SCFD1: variants seen among roughly 807,000 people sequenced by gnomAD.
SCFD1 encodes the protein sec1 family domain-containing protein 1.
A neutral mutation model predicts 103.2 loss-of-function variants in SCFD1; 37 were observed. The ratio of observed to expected loss-of-function variants is 0.36; its 90% CI spans 0.28 to 0.47. The LOEUF is 0.47. Among genes scored for constraint, SCFD1 ranks in the 20% least tolerant of loss-of-function variants. The pLI, the probability that SCFD1 is intolerant of heterozygous loss-of-function variation, is 1.00. For missense variants in SCFD1, 639 were observed against 761.2 expected (o/e 0.84, Z 1.89); for synonymous variants, 264 against 245.0 (o/e 1.08, Z -0.73).
intron 23 of SCFD1, among the ~76,000 whole-genome samples, chr14:30,727,614 AC>A (rs1221539250): frequency 6.6e-6 from 1 of 152,220 alleles, no homozygotes; most frequent in Admixed American, 6.5e-5. Context: ...CCAGGCTCTT[AC>A]GAGATACCAA....
At chr14:30,721,516 T>C (rs1470794593) in intron 21 of SCFD1, among the ~76,000 whole-genome samples, 1 of 149,516 alleles carries the variant, frequency 6.7e-6, no homozygotes. Flanking sequence ...CCACAAACTA[T>C]ATATAATATT....
intron 24 of SCFD1, 45 bp downstream of exon 24, chr14:30,734,903 T>C: frequency 1.4e-6 from 2 of 1,423,620 alleles, no homozygotes; most frequent in Non-Finnish European, 2.0e-6. Flanking sequence ...ATACCCCTAG[T>C]TGCTATTGGT....
chr14:30,715,913 C>CT lies in SCFD1; in HGVS notation c.1630-7dup. On this transcript the variant is annotated splice_polypyrimidine_tract_variant and intron_variant, in intron 19 of 24. Coordinates refer to ENST00000458591, the MANE Select transcript of SCFD1 (RefSeq NM_016106.4). ...TAATATTCTAATATTTAACAAAATA[C>CT]TTTTCCACAGAATCTACCTGTTACT... is the stretch of plus-strand genomic sequence containing the variant. 1 of 1,500,204 alleles carries CT rather than the reference C, an allele frequency of 6.7e-7. No homozygotes were observed. The highest frequency in any genetic ancestry group is 9.1e-7 in the Non-Finnish European group (1 of 1,098,682). The allele number at this position is 1,500,204 out of a possible 1,614,324, so 92.9% of individuals were successfully genotyped here.
At position 30,622,353 on chromosome 14, in the gene SCFD1, G is replaced by GGCAGCGACAGCA. The variant is rs1566564325; in HGVS notation, c.21_32dup (p.Thr8_Ala11dup). ...TGGGAGCCAAGATGGCGGCGGCGGCGGCAGCGACAGCAGCAGCAGCAGCCA... is the reference window on the plus strand; with the variant it reads ...TGGGAGCCAAGATGGCGGCGGCGGCGGCAGCGACAGCAGCAGCGACAGCAGCAGCAGCAGCCA... On this transcript the variant is annotated inframe_insertion, in exon 1 of 25. Transcript: ENST00000458591. 1 of 1,568,396 alleles carries GGCAGCGACAGCA rather than the reference G, an allele frequency of 6.4e-7. No individual in the cohort carries two copies. The highest frequency in any genetic ancestry group is 2.4e-5 in the East Asian group (1 of 42,292).
intron 23 of SCFD1, among the ~76,000 whole-genome samples, chr14:30,723,883 A>G (rs1243639135): frequency 1.3e-5 from 2 of 152,136 alleles, no homozygotes; most frequent in Non-Finnish European, 2.9e-5. Flanking sequence ...TCTTTATAAT[A>G]GAATGATTTA....
chr14:30,646,253 C>A (rs568580002), intron 7 of SCFD1, among the ~76,000 whole-genome samples: 1 of 151,802 alleles, frequency 6.6e-6, no homozygotes, highest in Non-Finnish European at 1.5e-5. Context: ...AATCTCTTGA[C>A]CTCGTGATCC....
chr14:30,701,263 T>G (rs1477396583), intron 16 of SCFD1, among the ~76,000 whole-genome samples: 2 of 152,222 alleles, frequency 1.3e-5, no homozygotes, highest in Non-Finnish European at 2.9e-5. Flanking sequence ...ACACAAAGCT[T>G]TACTTCTAAT....
At chr14:30,631,343 A>T (rs373023263) in intron 3 of SCFD1, among the ~76,000 whole-genome samples, 1 of 152,026 alleles carries the variant, frequency 6.6e-6, no homozygotes, top group African/African-American at 2.4e-5. Flanking sequence ...AAAGAGCAAG[A>T]CTCTGTCTCA....
At chr14:30,660,463 A>C (rs567834098) in intron 10 of SCFD1, among the ~76,000 whole-genome samples, 1 of 152,318 alleles carries the variant, frequency 6.6e-6, no homozygotes, top group Non-Finnish European at 1.5e-5. Context: ...AGGTATTGTC[A>C]GCATGATCCA....
chr14:30,676,943 GT>G (rs1300536736), intron 14 of SCFD1, among the ~76,000 whole-genome samples: 2 of 152,126 alleles, frequency 1.3e-5, no homozygotes, highest in Non-Finnish European at 2.9e-5. Context: ...TTTTAGGTGA[GT>G]TTTTCAGATC....
chr14:30,697,114 A>G (rs1051961717), intron 15 of SCFD1, among the ~76,000 whole-genome samples: 1 of 152,148 alleles, frequency 6.6e-6, no homozygotes, highest in Non-Finnish European at 1.5e-5. Context: ...TGCCAACTGA[A>G]AGGGCCTGGG....
intron 7 of SCFD1, among the ~76,000 whole-genome samples, chr14:30,645,639 G>A (rs971221245): frequency 6.6e-6 from 1 of 152,136 alleles, no homozygotes; most frequent in African/African-American, 2.4e-5. Context: ...GATATTATTG[G>A]TGTATAGAAA....
chr14:30,697,800 G>C lies in SCFD1; in HGVS notation c.1340-2388G>C, dbSNP rs1238094057. Among the ~76,000 whole-genome samples, 3 of 152,134 alleles carry C rather than the reference G, an allele frequency of 2.0e-5. No individual in the cohort carries two copies. The East Asian group carries it at 5.8e-4, about 29-fold the overall frequency. On this transcript the variant is annotated intron_variant, in intron 15 of 24. Transcript: ENST00000458591. ...GCCTATAGTCTTAAAAAGTAACCAAGGCCATGCAAGTCAAGGAAAAATGGA... is the reference window on the plus strand; with the variant it reads ...GCCTATAGTCTTAAAAAGTAACCAACGCCATGCAAGTCAAGGAAAAATGGA...
At chr14:30,729,308 G>GA (rs1258153265) in intron 23 of SCFD1, among the ~76,000 whole-genome samples, 2 of 151,976 alleles carry the variant, frequency 1.3e-5, no homozygotes, top group African/African-American at 4.8e-5. Context: ...GCATATCTAA[G>GA]AATCCTTTGC....
At chr14:30,647,649 TAAAC>T (rs2139085637) in intron 7 of SCFD1, among the ~76,000 whole-genome samples, 1 of 152,232 alleles carries the variant, frequency 6.6e-6, no homozygotes, top group African/African-American at 2.4e-5. Context: ...CTTTTAGTGT[TAAAC>T]AGACATAATT....
intron 1 of SCFD1, among the ~76,000 whole-genome samples, chr14:30,626,281 A>G (rs1217220922): frequency 1.3e-5 from 2 of 152,080 alleles, no homozygotes; most frequent in African/African-American, 2.4e-5. Context: ...AGGTAATAAC[A>G]TTTTACCAAA....
chr14:30,716,023 A>T, intron 20 of SCFD1, 46 bp downstream of exon 20: 3 of 1,031,284 alleles, frequency 2.9e-6, no homozygotes, highest in South Asian at 1.4e-5. Flanking sequence ...GAATGTGTCA[A>T]ACTGACTAGT....
intron 21 of SCFD1, chr14:30,721,646 T>C: frequency 2.1e-6 from 1 of 475,050 alleles, no homozygotes; most frequent in Non-Finnish European, 3.7e-6. Flanking sequence ...TTTAAAGTAA[T>C]AGGGTTGACC....
At chr14:30,672,866 T>G (rs1888684891) in intron 11 of SCFD1, among the ~76,000 whole-genome samples, 1 of 152,328 alleles carries the variant, frequency 6.6e-6, no homozygotes, top group African/African-American at 2.4e-5. Flanking sequence ...CCCTTTGACA[T>G]GACGTGTTAA....
Sources: allele counts gnomAD v4.1 joint callset (sites outside exome capture counted in the v4.1 genomes callset), GRCh38; gene constraint gnomAD v4.1.1; transcripts MANE v1.5; gene names NCBI Gene and HGNC (gene_info 2026-07-23, HGNC 2026-07-21).